Variants in SPATA13 observed in about 807,000 individuals in gnomAD.
SPATA13 encodes spermatogenesis associated 13, also known as spermatogenesis-associated protein 13.
Under a neutral mutation model 104.0 loss-of-function variants are expected in SPATA13, and 50 were observed. The observed-to-expected ratio is 0.48, with a 90% CI of 0.38 to 0.61. The LOEUF (loss-of-function observed/expected upper bound fraction) is 0.61. Ranked by LOEUF, SPATA13 falls within the 20% of genes least tolerant of loss-of-function variation. The probability of loss-of-function intolerance (pLI) is 0.00; values close to 1 mark genes in which losing one functional copy is unlikely to be tolerated. For synonymous variants in SPATA13, 606 were observed against 667.5 expected, an observed-to-expected ratio of 0.91 and a Z score of 1.42; for missense variants, 1,524 against 1,690.6, an observed-to-expected ratio of 0.90 and a Z score of 1.73.
At chr13:24,189,237 C>T (rs529803222) in intron 1 of SPATA13, among the ~76,000 whole-genome samples, 16 of 151,836 alleles carry the variant, frequency 1.1e-4, no homozygotes, top group African/African-American at 2.9e-4. Flanking sequence ...TTTGGGAGGC[C>T]GAGGCCGGTG....
chr13:24,145,043 T>C (rs1249271572), intron 3 of SPATA13, among the ~76,000 whole-genome samples: 1 of 152,108 alleles, frequency 6.6e-6, no homozygotes, highest in Non-Finnish European at 1.5e-5. Flanking sequence ...ATTGTGAATA[T>C]AGTTAGAATG....
At chr13:23,982,589 C>G (rs1178801633) in intron 1 of SPATA13, among the ~76,000 whole-genome samples, 11 of 152,120 alleles carry the variant, frequency 7.2e-5, no homozygotes, top group Admixed American at 7.2e-4. Flanking sequence ...TTAAACTCTA[C>G]TGTGAAATGC....
At chr13:24,060,761 C>A (rs1878743998) in intron 3 of SPATA13, among the ~76,000 whole-genome samples, 1 of 152,152 alleles carries the variant, frequency 6.6e-6, no homozygotes, top group East Asian at 1.9e-4. Flanking sequence ...CAAACAACTC[C>A]ATTAAAAATG....
chr13:24,040,093 C>T (rs1382245085), intron 3 of SPATA13, among the ~76,000 whole-genome samples: 1 of 152,216 alleles, frequency 6.6e-6, no homozygotes, highest in Non-Finnish European at 1.5e-5. Flanking sequence ...TCCTCTAAAA[C>T]TTCCACTAAA....
chr13:24,116,812 G>A (rs752554952), intron 3 of SPATA13, among the ~76,000 whole-genome samples: 1 of 150,138 alleles, frequency 6.7e-6, no homozygotes, highest in Admixed American at 6.8e-5. Context: ...AAGGGCCTTT[G>A]GGAGGTAATT....
chr13:24,272,981 G>C (rs985558662), intron 4 of SPATA13: 6 of 152,648 alleles, frequency 3.9e-5, no homozygotes, highest in African/African-American at 1.4e-4. Flanking sequence ...CCAGCCCAGA[G>C]AGCTGTCAGG....
In SPATA13 at chr13:24,160,759, G is replaced by A. The variant is rs998856380; in HGVS notation, c.-285G>A. 2 of 985,448 alleles carry A rather than the reference G, an allele frequency of 2.0e-6. No individual in the cohort carries two copies. Among genetic ancestry groups the A allele is most frequent in the East Asian group, 2.3e-4 (2 of 8,772 alleles). The allele number at this position is 985,448 out of a possible 1,614,324, so 61.0% of individuals were successfully genotyped here. On this transcript the variant is annotated 5_prime_UTR_variant, in exon 1 of 13. Coordinates refer to ENST00000382108, the MANE Select transcript of SPATA13 (RefSeq NM_001166271.3). ...GGCGCGGGAGGAGAGTGTGCGTTGC[G>A]CTTTCTCCCGCGATCGCCCTGCCGG...
At chr13:24,115,733 G>C (rs191167790) in intron 3 of SPATA13, among the ~76,000 whole-genome samples, 14 of 152,326 alleles carry the variant, frequency 9.2e-5, no homozygotes, top group Admixed American at 4.6e-4. Context: ...TCCGGTTCCA[G>C]ATTTCTCAGT....
chr13:24,240,100 C>T (rs1384303960), intron 2 of SPATA13, among the ~76,000 whole-genome samples: 226 of 151,124 alleles, frequency 1.5e-3, no homozygotes, highest in African/African-American at 5.5e-3. Flanking sequence ...AGCTCAGGAG[C>T]TCAAGACCAG....
intron 3 of SPATA13, among the ~76,000 whole-genome samples, chr13:24,115,215 G>A (rs940266590): frequency 6.6e-6 from 1 of 152,192 alleles, no homozygotes; most frequent in Non-Finnish European, 1.5e-5. Context: ...GTATTAGTTG[G>A]GTCTTCCAGG....
At chr13:24,211,775 A>G (rs1871031055) in intron 1 of SPATA13, among the ~76,000 whole-genome samples, 1 of 152,060 alleles carries the variant, frequency 6.6e-6, no homozygotes, top group African/African-American at 2.4e-5. Flanking sequence ...GCCGGCTCCC[A>G]TGACCTTTAG....
At chr13:24,157,815 G>A (rs188072175), upstream of SPATA13, among the ~76,000 whole-genome samples, 689 of 152,276 alleles carry the variant, frequency 4.5e-3, 3 homozygotes, top group Non-Finnish European at 7.6e-3. Flanking sequence ...TTTGTTCAGA[G>A]CATTTTCAAA....
At chr13:24,236,159 A>G (rs761519506) in intron 2 of SPATA13, among the ~76,000 whole-genome samples, 4 of 152,332 alleles carry the variant, frequency 2.6e-5, no homozygotes, top group Middle Eastern at 3.4e-3. Context: ...AGACATGCTC[A>G]CCATTTATTA....
Position 24,251,909 on chromosome 13 carries a change from T to C in SPATA13, c.2164+47T>C, listed in dbSNP as rs755367206. 3.8e-6 allele frequency: 6 copies of C among 1,578,348 alleles called. No homozygotes were observed. In the South Asian group the frequency reaches 6.9e-5, roughly 18 times the overall value. ...CTTTCAGAGCTGCTATGGGCCCATC[T>C]GACCGTTTCCAGCTAACCTGAGGCA... On this transcript the variant is annotated intron_variant, in intron 4 of 12. Coordinates refer to ENST00000382108, the MANE Select transcript of SPATA13 (RefSeq NM_001166271.3).
intron 3 of SPATA13, among the ~76,000 whole-genome samples, chr13:24,147,180 A>C (rs17080197): frequency 0.026 from 3,917 of 152,052 alleles, 86 homozygotes; most frequent in African/African-American, 0.059. Context: ...TTTCAAGAAG[A>C]CTACTCTGAT....
chr13:24,135,381 T>C (rs1162962233), intron 3 of SPATA13, among the ~76,000 whole-genome samples: 1 of 152,086 alleles, frequency 6.6e-6, no homozygotes, highest in Non-Finnish European at 1.5e-5. Context: ...AATTATATAA[T>C]GTGCCTCACT....
intron 2 of SPATA13, among the ~76,000 whole-genome samples, chr13:23,987,856 G>A (rs1240665339): frequency 1.3e-5 from 2 of 151,980 alleles, no homozygotes; most frequent in African/African-American, 4.8e-5. Flanking sequence ...GGATTCTATA[G>A]TATTTGCCCT....
At chr13:24,065,684 T>C (rs4470013) in intron 3 of SPATA13, among the ~76,000 whole-genome samples, 137,043 of 152,254 alleles carry the variant, frequency 0.9, 62,279 homozygotes, top group South Asian at 0.99. Flanking sequence ...ATGGAATTAA[T>C]ACTAGAATCA....
intron 2 of SPATA13, among the ~76,000 whole-genome samples, chr13:23,993,622 C>T (rs1042039405): frequency 6.6e-6 from 1 of 152,200 alleles, no homozygotes; most frequent in Non-Finnish European, 1.5e-5. Flanking sequence ...TTCCCACAGA[C>T]CCCTGCGTGA....
Sources: gnomAD v4.1 joint callset for allele counts (sites outside exome capture counted in the v4.1 genomes callset) on GRCh38, gnomAD v4.1.1 for gene constraint, MANE v1.5 for transcripts, NCBI Gene and HGNC (gene_info 2026-07-23, HGNC 2026-07-21) for gene names.